Variants in PDK1 observed in about 807,000 individuals in gnomAD.
PDK1 encodes the protein pyruvate dehydrogenase kinase 1, also known as [Pyruvate dehydrogenase (acetyl-transferring)] kinase isozyme 1, mitochondrial.
In PDK1, 39 loss-of-function variants were observed where a neutral mutation model predicts 54.2. The observed-to-expected ratio is 0.72, with a 90% confidence interval of 0.56 to 0.94. PDK1 has a LOEUF of 0.94. Ranked by LOEUF, PDK1 falls within the 40% of genes least tolerant of loss-of-function variation. The probability of loss-of-function intolerance (pLI) is 0.00; values close to 1 mark genes in which losing one functional copy is unlikely to be tolerated. For synonymous variants in PDK1, 221 were observed against 207.1 expected (o/e 1.07, Z -0.58); for missense variants, 552 against 566.0 (o/e 0.98, Z 0.25).
At chr2:172,590,798 T>TGCATTTTTACAGAGTGCTGATTG in intron 9 of PDK1, among the ~76,000 whole-genome samples, 1 of 151,344 alleles carries the variant, frequency 6.6e-6, no homozygotes, top group African/African-American at 2.4e-5. Flanking sequence ...TGCTGATTGG[T>TGCATTTTTACAGAGTGCTGATTG]GTGTTTACAA....
intron 8 of PDK1, among the ~76,000 whole-genome samples, chr2:172,572,805 G>A (rs149813642): frequency 0.013 from 1,935 of 152,222 alleles, 48 homozygotes; most frequent in African/African-American, 0.043. Context: ...GGCAACCACT[G>A]ATCTATTTTC....
At chr2:172,658,685 G>T in the PDK1 span, among the ~76,000 whole-genome samples, 1 of 152,072 alleles carries the variant, frequency 6.6e-6, no homozygotes, top group South Asian at 2.1e-4. Context: ...TTGCATTCCT[G>T]GGGGGAGGTC....
chr2:172,592,715 A>G (rs1050045793), intron 9 of PDK1, among the ~76,000 whole-genome samples: 4 of 152,188 alleles, frequency 2.6e-5, no homozygotes, highest in Admixed American at 2.6e-4. Flanking sequence ...TAGAAAGAAT[A>G]AAGAGTTTTA....
chr2:172,616,655 G>T, the PDK1 span, among the ~76,000 whole-genome samples: 1 of 152,018 alleles, frequency 6.6e-6, no homozygotes, highest in East Asian at 1.9e-4. Flanking sequence ...GTTCATAGAG[G>T]TTCATATTAT....
At chr2:172,713,387 A>G in the PDK1 span, among the ~76,000 whole-genome samples, 1 of 152,216 alleles carries the variant, frequency 6.6e-6, no homozygotes, top group Non-Finnish European at 1.5e-5. Context: ...CTTTCTGCCC[A>G]GGAGCCTGTC....
rs1003514208 is a variant in PDK1, at chr2:172,597,270, C to T, written c.*1301C>T. 3 of 152,068 alleles carry T rather than the reference C, an allele frequency of 2.0e-5. No individual in the cohort carries two copies. Among genetic ancestry groups the T allele is most frequent in the Non-Finnish European group, 4.4e-5 (3 of 68,018 alleles). The allele number at this position is 152,068 out of a possible 1,614,324, so 9.4% of individuals were successfully genotyped here. On this transcript the variant is annotated 3_prime_UTR_variant, in exon 11 of 11. Coordinates refer to ENST00000282077, the MANE Select transcript of PDK1 (RefSeq NM_002610.5). Reference sequence around the variant, plus strand: ...TACAGTTGTGCACTACCACACCCAGCTAATTTTTTGATTTCTTGTGGAGAT... The same window carrying T: ...TACAGTTGTGCACTACCACACCCAGTTAATTTTTTGATTTCTTGTGGAGAT...
In PDK1 at chr2:172,597,719, T is replaced by A. The variant is rs2149307075; in HGVS notation, c.*1750T>A. 1 of 152,328 alleles carries A rather than the reference T, an allele frequency of 6.6e-6. No individual in the cohort carries two copies. The highest frequency in any genetic ancestry group is 2.4e-5 in the African/African-American group (1 of 41,582). The allele number at this position is 152,328 out of a possible 1,614,324, so 9.4% of individuals were successfully genotyped here. ...CTGTGTCATTTAGAGACTGTGTTGT[T>A]AGTTATCCCTCAACATCTTCTAAGG... On this transcript the variant is annotated 3_prime_UTR_variant, in exon 11 of 11. Coordinates refer to ENST00000282077, the MANE Select transcript of PDK1 (RefSeq NM_002610.5).
chr2:172,720,342 C>G, the PDK1 span, among the ~76,000 whole-genome samples: 1 of 151,814 alleles, frequency 6.6e-6, no homozygotes, highest in East Asian at 1.9e-4. Flanking sequence ...CTTGAATTCC[C>G]GACTTCAAGT....
At chr2:172,654,172 G>T in the PDK1 span, among the ~76,000 whole-genome samples, 2 of 152,194 alleles carry the variant, frequency 1.3e-5, no homozygotes, top group African/African-American at 4.8e-5. Context: ...CTGTTGGTGG[G>T]ACTGTAAACT....
Position 172,563,535 on chromosome 2 carries a change from A to G in PDK1, c.411-968A>G, listed in dbSNP as rs539334503. On this transcript the variant is annotated intron_variant, in intron 3 of 10. Coordinates refer to ENST00000282077, the MANE Select transcript of PDK1 (RefSeq NM_002610.5). Reference sequence around the variant, plus strand: ...GTTAGAAAATTGGTTTCGTTACTGCATAATTAAGACTTCTTGGGCCGGGCA... The same window carrying G: ...GTTAGAAAATTGGTTTCGTTACTGCGTAATTAAGACTTCTTGGGCCGGGCA... Among the ~76,000 whole-genome samples, 12 of 152,322 alleles carry G rather than the reference A, an allele frequency of 7.9e-5. No homozygotes were observed. The South Asian group carries it at 1.9e-3, about 24-fold the overall frequency.
chr2:172,696,987 T>C, the PDK1 span, among the ~76,000 whole-genome samples: 1 of 152,188 alleles, frequency 6.6e-6, no homozygotes, highest in African/African-American at 2.4e-5. Context: ...TCTATCCCAA[T>C]TAGTTTAAGT....
chr2:172,612,771 A>C (rs1691502858), downstream of PDK1, among the ~76,000 whole-genome samples: 1 of 151,912 alleles, frequency 6.6e-6, no homozygotes, highest in Admixed American at 6.6e-5. Flanking sequence ...GGGTTCAAGC[A>C]TTTCTCCTTC....
chr2:172,661,966 A>G, the PDK1 span, among the ~76,000 whole-genome samples: 1 of 152,240 alleles, frequency 6.6e-6, no homozygotes, highest in Non-Finnish European at 1.5e-5. Context: ...AAAAGTTGAA[A>G]TTATTTTTTA....
At chr2:172,643,108 T>C in the PDK1 span, among the ~76,000 whole-genome samples, 1 of 152,234 alleles carries the variant, frequency 6.6e-6, no homozygotes, top group African/African-American at 2.4e-5. Flanking sequence ...GCTGGGAGTC[T>C]TCCCTTCAAT....
the PDK1 span, among the ~76,000 whole-genome samples, chr2:172,614,477 A>C: frequency 6.6e-6 from 1 of 152,152 alleles, no homozygotes; most frequent in Admixed American, 6.5e-5. Context: ...AGAGAGGAGT[A>C]CTCTACTGAT....
intron 8 of PDK1, among the ~76,000 whole-genome samples, chr2:172,573,431 T>C (rs1689392540): frequency 6.6e-6 from 1 of 152,064 alleles, no homozygotes; most frequent in Non-Finnish European, 1.5e-5. Flanking sequence ...TAAAATTGGC[T>C]GTCTTTTATT....
chr2:172,564,126 T>C (rs1688805629), intron 3 of PDK1: 5 of 473,680 alleles, frequency 1.1e-5, no homozygotes, highest in South Asian at 7.8e-5. Flanking sequence ...AGGTGTTCTC[T>C]AGAGGCAAGT....
chr2:172,695,224 T>G, the PDK1 span, among the ~76,000 whole-genome samples: 126,226 of 152,146 alleles, frequency 0.83, 53,948 homozygotes, highest in Middle Eastern at 0.95. Context: ...TTGGTTTTAT[T>G]ATATGTTATT....
At chr2:172,660,245 CTCTTTTTTTTTT>C in the PDK1 span, among the ~76,000 whole-genome samples, 5 of 55,660 alleles carry the variant, frequency 9.0e-5, no homozygotes, top group East Asian at 9.6e-4. Context: ...CTCTCTCTCT[CTCTTTTTTTTTT>C]TTTTTTTTTT....
Sources: allele counts gnomAD v4.1 joint callset (sites outside exome capture counted in the v4.1 genomes callset), GRCh38; gene constraint gnomAD v4.1.1; transcripts MANE v1.5; gene names NCBI Gene and HGNC (gene_info 2026-07-23, HGNC 2026-07-21).